KCNH1: variants seen among roughly 807,000 people sequenced by gnomAD.
KCNH1 encodes the protein voltage-gated delayed rectifier potassium channel KCNH1.
Under a neutral mutation model 69.2 loss-of-function variants are expected in KCNH1, and 27 were observed. The ratio of observed to expected loss-of-function variants is 0.39; its 90% CI spans 0.29 to 0.54. KCNH1 has a LOEUF of 0.54. Among genes scored for constraint, KCNH1 ranks in the 20% least tolerant of loss-of-function variants. KCNH1 has a pLI of 0.68. For synonymous variants in KCNH1, 456 were observed against 487.7 expected (o/e 0.93, Z 0.86); for missense variants, 798 against 1,261.6 (o/e 0.63, Z 5.57).
chr1:210,897,727 G>T (rs1686901714), intron 7 of KCNH1, among the ~76,000 whole-genome samples: 1 of 152,200 alleles, frequency 6.6e-6, no homozygotes, highest in African/African-American at 2.4e-5. Flanking sequence ...GTAGGGAGAG[G>T]GATAGTAGCA....
Position 210,718,612 on chromosome 1 carries a change from ATATG to A in KCNH1, c.2113-34478_2113-34475del, listed in dbSNP as rs562853306. 2.6e-3 allele frequency among the ~76,000 whole-genome samples: 229 copies of A among 87,322 alleles called. 47 individuals are homozygous for A. The highest frequency in any genetic ancestry group is 3.6e-3 in the South Asian group (11 of 3,078). 57.3% of individuals were successfully genotyped at this position (87,322 alleles called of 152,430 possible). A position where few individuals can be genotyped will look rare whatever the true frequency, so the allele number is the denominator to read the frequency against. On this transcript the variant is annotated intron_variant, in intron 10 of 10. Transcript: ENST00000271751. The stretch of plus-strand genomic sequence containing the variant: ...TACCAAGTCTTATATAAATAAAATT[ATATG>A]TATGTGTGTATAAATATATATATAC...
intron 3 of KCNH1, among the ~76,000 whole-genome samples, chr1:211,094,897 T>C (rs1397653557): frequency 6.6e-6 from 1 of 152,214 alleles, no homozygotes; most frequent in Non-Finnish European, 1.5e-5. Context: ...TTTTATTTAA[T>C]GAAATATAAC....
chr1:210,930,660 G>A (rs965743483), intron 6 of KCNH1, among the ~76,000 whole-genome samples: 3 of 152,054 alleles, frequency 2.0e-5, no homozygotes, highest in Admixed American at 2.0e-4. Flanking sequence ...AAAAGCAAAT[G>A]CAATAAAAAC....
rs113562433 is a variant in KCNH1, at chr1:210,681,438, A to G, written c.*1843T>C. 4,546 of 152,310 alleles carry G rather than the reference A, an allele frequency of 0.03. 87 individuals carry two copies. Among genetic ancestry groups the G allele is most frequent in the Middle Eastern group, 0.061 (18 of 294 alleles). 9.4% of individuals were successfully genotyped at this position (152,310 alleles called of 1,614,324 possible). On this transcript the variant is annotated 3_prime_UTR_variant, in exon 11 of 11. Transcript: ENST00000271751. ...GTAAGCCTGATGTGAGAAGCTACAT[A>G]TGAGGTTAGGGCTCATGGAGCAGGA...
rs548594886 is a variant in KCNH1, at chr1:210,894,460, C to T, written c.1462+25180G>A. Among the ~76,000 whole-genome samples the T allele has an allele frequency of 5.5e-4, 83 of 152,238 alleles. 1 individual carries two copies. The highest frequency in any genetic ancestry group is 5.4e-3 in the Admixed American group (83 of 15,268). ...TCCTTTTGGGTCATTCTTCTCCTAG[C>T]TTTGGGCAGTTTCTTCATTCACAAG... On this transcript the variant is annotated intron_variant, in intron 7 of 10. Coordinates refer to ENST00000271751, the MANE Select transcript of KCNH1 (RefSeq NM_172362.3).
chr1:211,105,614 A>G (rs1157868009), intron 2 of KCNH1, among the ~76,000 whole-genome samples: 1 of 152,232 alleles, frequency 6.6e-6, no homozygotes, highest in East Asian at 1.9e-4. Flanking sequence ...ACTGTGCATA[A>G]AAGAAAAGTT....
At chr1:210,878,846 T>G (rs190832196) in intron 7 of KCNH1, among the ~76,000 whole-genome samples, 1 of 151,942 alleles carries the variant, frequency 6.6e-6, no homozygotes, top group Non-Finnish European at 1.5e-5. Context: ...CCAAAAGCTG[T>G]TTTTTTGAAA....
At chr1:210,978,075 T>C (rs923481456) in intron 6 of KCNH1, among the ~76,000 whole-genome samples, 5 of 151,710 alleles carry the variant, frequency 3.3e-5, no homozygotes, top group African/African-American at 9.7e-5. Context: ...AGTCTCGCTC[T>C]GTGCCTAGGC....
At chr1:210,859,243 T>A (rs751207072) in intron 7 of KCNH1, 27 of 1,612,094 alleles carry the variant, frequency 1.7e-5, no homozygotes, top group Non-Finnish European at 2.1e-5. Flanking sequence ...TGAATTTGTA[T>A]CCTCCATGCT....
intron 5 of KCNH1, among the ~76,000 whole-genome samples, chr1:211,023,443 A>G (rs941020896): frequency 2.4e-4 from 36 of 151,626 alleles, no homozygotes; most frequent in Non-Finnish European, 1.5e-4. Flanking sequence ...ATTAATGGAT[A>G]TATGTACCCA....
rs147852366 is a variant in KCNH1 at position 211,074,041 on chromosome 1, T to C, written c.558+8739A>G. 3.2e-3 allele frequency among the ~76,000 whole-genome samples: 473 copies of C among 149,060 alleles called. 3 individuals carry two copies. Among genetic ancestry groups the C allele is most frequent in the East Asian group, 0.031 (157 of 5,092 alleles). Reference sequence around the variant, plus strand: ...TTGGCAATCAATGAGCAACCACTTATGCCAGACCAGTAGACTAAAACTCAT... The same window carrying C: ...TTGGCAATCAATGAGCAACCACTTACGCCAGACCAGTAGACTAAAACTCAT... On this transcript the variant is annotated intron_variant, in intron 5 of 10. Transcript: ENST00000271751.
chr1:211,082,946 G>T, intron 4 of KCNH1, 48 bp from the exon 5 acceptor site: 4 of 1,463,300 alleles, frequency 2.7e-6, no homozygotes, highest in Non-Finnish European at 3.8e-6. Flanking sequence ...ACATCCCAAA[G>T]GTGCACAGAC....
At chr1:210,785,989 G>A (rs1193523492) in intron 9 of KCNH1, among the ~76,000 whole-genome samples, 2 of 152,110 alleles carry the variant, frequency 1.3e-5, no homozygotes, top group Non-Finnish European at 2.9e-5. Context: ...GGTTTATCTG[G>A]AAAATAAAAG....
In KCNH1 at chr1:210,860,877, T is replaced by C. The variant is rs957959298; in HGVS notation, c.1463-56711A>G. 4.3e-6 allele frequency: 4 copies of C among 921,294 alleles called. No individual in the cohort carries two copies. In the African/African-American group the frequency reaches 4.8e-5, roughly 11 times the overall value. 57.1% of individuals were successfully genotyped at this position (921,294 alleles called of 1,614,324 possible). A position where few individuals can be genotyped will look rare whatever the true frequency, so the allele number is the denominator to read the frequency against. ...AAGCCCTTGCTCTCATGTAGCCTAG[T>C]TCACTGCTGAAGAGAGAGAACACAT... On this transcript the variant is annotated intron_variant, in intron 7 of 10. Coordinates refer to ENST00000271751, the MANE Select transcript of KCNH1 (RefSeq NM_172362.3).
chr1:210,937,717 T>C (rs1171136705), intron 6 of KCNH1, among the ~76,000 whole-genome samples: 1 of 152,220 alleles, frequency 6.6e-6, no homozygotes, highest in African/African-American at 2.4e-5. Context: ...AATGTTTTCC[T>C]GGTCTTTCCA....
intron 7 of KCNH1, among the ~76,000 whole-genome samples, chr1:210,830,235 C>T (rs1685129149): frequency 6.6e-6 from 1 of 152,198 alleles, no homozygotes; most frequent in Admixed American, 6.5e-5. Flanking sequence ...CAAACTCCTA[C>T]TCATCCGTTA....
intron 5 of KCNH1, among the ~76,000 whole-genome samples, chr1:211,022,357 C>G (rs1486686442): frequency 6.6e-6 from 1 of 152,118 alleles, no homozygotes; most frequent in Non-Finnish European, 1.5e-5. Context: ...TCCAAGACTT[C>G]AAACTATAGA....
chr1:211,025,590 AAG>A (rs1689668984), intron 5 of KCNH1, among the ~76,000 whole-genome samples: 1 of 152,082 alleles, frequency 6.6e-6, no homozygotes, highest in Non-Finnish European at 1.5e-5. Context: ...CATAATGTGA[AAG>A]AGTCTTGGAA....
Position 211,059,559 on chromosome 1 carries a change from G to A in KCNH1, c.558+23221C>T, listed in dbSNP as rs981376586. Among the ~76,000 whole-genome samples the A allele has an allele frequency of 5.9e-5, 9 of 152,068 alleles. No individual in the cohort carries two copies. In the South Asian group the frequency reaches 6.2e-4, roughly 11 times the overall value. ...AGATCGAGACCATCCTGGTTAACAC[G>A]GTGAAACTACGTCTCTACTAAAAAA... On this transcript the variant is annotated intron_variant, in intron 5 of 10. Coordinates refer to ENST00000271751, the MANE Select transcript of KCNH1 (RefSeq NM_172362.3).
Sources: gnomAD v4.1 joint callset for allele counts (sites outside exome capture counted in the v4.1 genomes callset) on GRCh38, gnomAD v4.1.1 for gene constraint, MANE v1.5 for transcripts, NCBI Gene and HGNC (gene_info 2026-07-23, HGNC 2026-07-21) for gene names.